Variants in PPM1H observed in about 807,000 individuals in gnomAD.
PPM1H encodes protein phosphatase 1H.
Under a neutral mutation model 54.9 loss-of-function variants are expected in PPM1H, and 27 were observed. The observed-to-expected ratio is 0.49, with a 90% CI of 0.36 to 0.68. The LOEUF (loss-of-function observed/expected upper bound fraction) is 0.68, where lower values mean the gene tolerates loss of function less well. Ranked by LOEUF, PPM1H falls within the 30% of genes least tolerant of loss-of-function variation. The pLI is 0.00. For missense variants in PPM1H, 596 were observed against 667.8 expected (o/e 0.89, Z 1.19); for synonymous variants, 305 against 270.8 (o/e 1.13, Z -1.24).
At chr12:62,863,729 G>A (rs1869685061) in intron 1 of PPM1H, among the ~76,000 whole-genome samples, 1 of 152,062 alleles carries the variant, frequency 6.6e-6, no homozygotes, top group Non-Finnish European at 1.5e-5. Context: ...TGAATTTCAG[G>A]AAAAAAGTGG....
chr12:62,856,139 C>T (rs1291759131), intron 1 of PPM1H, among the ~76,000 whole-genome samples: 1 of 152,142 alleles, frequency 6.6e-6, no homozygotes, highest in Non-Finnish European at 1.5e-5. Context: ...CTGATCAGAA[C>T]CTTGGTGAAT....
rs577307840 is a variant in PPM1H, at chr12:62,887,782, C to A, written c.245+46710G>T. On this transcript the variant is annotated intron_variant, in intron 1 of 9. Coordinates refer to ENST00000228705, the MANE Select transcript of PPM1H (RefSeq NM_020700.2). ...TGGTCATGGAGGGCCACAAAGAGCA[C>A]ATCTGAACTCAGACCTGTAAGACAA... Among the ~76,000 whole-genome samples the A allele has an allele frequency of 3.9e-5, 6 of 152,268 alleles. No homozygotes were observed. In the East Asian group the frequency reaches 1.2e-3, roughly 29 times the overall value.
chr12:62,733,168 T>C (rs893990078), intron 5 of PPM1H, among the ~76,000 whole-genome samples: 8 of 152,272 alleles, frequency 5.3e-5, no homozygotes, highest in Non-Finnish European at 1.0e-4. Flanking sequence ...GAGGGGAAAC[T>C]AGAGGTCAAA....
At chr12:62,764,278 C>T (rs1051113052) in intron 4 of PPM1H, among the ~76,000 whole-genome samples, 1 of 152,076 alleles carries the variant, frequency 6.6e-6, no homozygotes, top group African/African-American at 2.4e-5. Context: ...TGGCTTATGT[C>T]CTATATTGCC....
At chr12:62,702,544 CAGAG>C (rs66497730) in intron 6 of PPM1H, among the ~76,000 whole-genome samples, 307 of 140,724 alleles carry the variant, frequency 2.2e-3, no homozygotes, top group Admixed American at 6.4e-3. Flanking sequence ...CCTTGAGCTA[CAGAG>C]AGAGAGAGAG....
At chr12:62,736,146 A>C (rs1565773212) in intron 5 of PPM1H, among the ~76,000 whole-genome samples, 1 of 152,262 alleles carries the variant, frequency 6.6e-6, no homozygotes. Context: ...GACAGGTGGC[A>C]GAGAGGCTAG....
intron 4 of PPM1H, among the ~76,000 whole-genome samples, chr12:62,748,988 G>A (rs556668247): frequency 1.3e-5 from 2 of 152,304 alleles, no homozygotes; most frequent in South Asian, 4.1e-4. Context: ...GGAAAATACT[G>A]ACAAGGACTC....
At chr12:62,833,690 A>G (rs514917) in intron 1 of PPM1H, among the ~76,000 whole-genome samples, 144,210 of 152,312 alleles carry the variant, frequency 0.95, 68,337 homozygotes, top group East Asian at 1. Flanking sequence ...TTCAAAGCAC[A>G]CTTCTGCCAA....
At chr12:62,671,078 C>T (rs2075953852) in intron 8 of PPM1H, among the ~76,000 whole-genome samples, 1 of 152,172 alleles carries the variant, frequency 6.6e-6, no homozygotes. Context: ...CTGACCTTCC[C>T]TCCCTGAAGC....
chr12:62,853,389 T>A (rs1320556765), intron 1 of PPM1H, among the ~76,000 whole-genome samples: 2 of 152,178 alleles, frequency 1.3e-5, no homozygotes, highest in Non-Finnish European at 2.9e-5. Flanking sequence ...AGAATCTACA[T>A]CTTGCTTTAA....
chr12:62,908,422 A>AAAAAAGAAAG (rs1284923713), intron 1 of PPM1H, among the ~76,000 whole-genome samples: 5 of 134,176 alleles, frequency 3.7e-5, no homozygotes, highest in Non-Finnish European at 7.9e-5. Flanking sequence ...AAAAAAAAAA[A>AAAAAAGAAAG]AAAGAAAGAA....
chr12:62,897,399 T>C (rs984207155), intron 1 of PPM1H, among the ~76,000 whole-genome samples: 1 of 152,180 alleles, frequency 6.6e-6, no homozygotes, highest in Admixed American at 6.5e-5. Context: ...CTCATTTAAA[T>C]TTTATTTTCG....
intron 8 of PPM1H, among the ~76,000 whole-genome samples, chr12:62,684,279 G>GGCCA (rs2076039884): frequency 1.3e-5 from 2 of 152,074 alleles, no homozygotes; most frequent in African/African-American, 4.8e-5. Flanking sequence ...GGCCTCTCTT[G>GGCCA]GAATTCAGTT....
At chr12:62,735,456 G>T (rs143414641) in intron 5 of PPM1H, among the ~76,000 whole-genome samples, 3,065 of 152,196 alleles carry the variant, frequency 0.02, 53 homozygotes, top group East Asian at 0.066. Context: ...GGGCTCAAGC[G>T]ATCCTCCCAC....
chr12:62,919,168 A>G (rs7977184), intron 1 of PPM1H, among the ~76,000 whole-genome samples: 25,387 of 152,216 alleles, frequency 0.17, 2,491 homozygotes, highest in East Asian at 0.27. Flanking sequence ...CACTTTGGAA[A>G]GCAAGAAAAT....
chr12:62,763,022 T>C (rs933311850), intron 4 of PPM1H, among the ~76,000 whole-genome samples: 20 of 152,078 alleles, frequency 1.3e-4, no homozygotes, highest in Admixed American at 3.9e-4. Context: ...AGGTACTGTG[T>C]CTAATTTCTC....
At chr12:62,840,894 C>G (rs1343053394) in intron 1 of PPM1H, among the ~76,000 whole-genome samples, 9 of 151,372 alleles carry the variant, frequency 5.9e-5, no homozygotes, top group Non-Finnish European at 1.3e-4. Context: ...GGACAAATGA[C>G]AAAGGAAGAA....
intron 1 of PPM1H, among the ~76,000 whole-genome samples, chr12:62,882,132 G>C (rs1343997292): frequency 6.6e-6 from 1 of 152,214 alleles, no homozygotes; most frequent in East Asian, 1.9e-4. Context: ...ATATGCAAAA[G>C]ATGAGGGAAT....
At chr12:62,932,362 C>T (rs1872166336) in intron 1 of PPM1H, among the ~76,000 whole-genome samples, 1 of 152,108 alleles carries the variant, frequency 6.6e-6, no homozygotes. Context: ...TCGTTCTTTC[C>T]TTTCCCTCAT....
Sources: allele counts gnomAD v4.1 joint callset (sites outside exome capture counted in the v4.1 genomes callset), GRCh38; gene constraint gnomAD v4.1.1; transcripts MANE v1.5; gene names NCBI Gene and HGNC (gene_info 2026-07-23, HGNC 2026-07-21).